SH3RF3: variants seen among roughly 807,000 people sequenced by gnomAD.
The protein encoded by SH3RF3 is E3 ubiquitin-protein ligase SH3RF3.
A neutral mutation model predicts 66.3 loss-of-function variants in SH3RF3; 29 were observed. The observed-to-expected ratio is 0.44, with a 90% confidence interval of 0.33 to 0.60. The LOEUF is 0.60. Among genes scored for constraint, SH3RF3 ranks in the 20% least tolerant of loss-of-function variants. The pLI is 0.04. For synonymous variants in SH3RF3, 583 were observed against 532.0 expected, an observed-to-expected ratio of 1.10 and a Z score of -1.32; for missense variants, 1,194 against 1,190.9, an observed-to-expected ratio of 1.00 and a Z score of -0.04.
chr2:109,449,787 A>G (rs1293731968), intron 8 of SH3RF3, among the ~76,000 whole-genome samples: 4 of 152,242 alleles, frequency 2.6e-5, no homozygotes, highest in African/African-American at 9.6e-5. Flanking sequence ...CTGTTGTAAA[A>G]TCATTGTAAT....
intron 1 of SH3RF3, among the ~76,000 whole-genome samples, chr2:109,249,665 C>A (rs1289290072): frequency 2.8e-5 from 4 of 141,498 alleles, no homozygotes; most frequent in Non-Finnish European, 6.2e-5. Flanking sequence ...TTCTTTCTTT[C>A]TTGACAGAGT....
At chr2:109,139,002 C>T (rs548598123) in intron 1 of SH3RF3, among the ~76,000 whole-genome samples, 7 of 152,210 alleles carry the variant, frequency 4.6e-5, no homozygotes, top group Non-Finnish European at 1.0e-4. Flanking sequence ...CAAGGGGCCA[C>T]AGCCTGATGA....
chr2:109,477,257 A>G (rs1678706367), intron 8 of SH3RF3, among the ~76,000 whole-genome samples: 1 of 152,190 alleles, frequency 6.6e-6, no homozygotes, highest in Non-Finnish European at 1.5e-5. Context: ...GAACTGGCCC[A>G]GAGTGGGGGA....
At chr2:109,320,332 T>C (rs888930019) in intron 1 of SH3RF3, among the ~76,000 whole-genome samples, 47 of 151,980 alleles carry the variant, frequency 3.1e-4, no homozygotes, top group Non-Finnish European at 5.7e-4. Context: ...GAGAGGGAGG[T>C]ACAGGCCCTC....
At chr2:109,238,748 A>C (rs929606792) in intron 1 of SH3RF3, among the ~76,000 whole-genome samples, 3 of 152,142 alleles carry the variant, frequency 2.0e-5, no homozygotes, top group African/African-American at 7.2e-5. Flanking sequence ...GGCAGCTGCT[A>C]CATGCTTGCA....
At chr2:109,312,653 T>C (rs1681758138) in intron 1 of SH3RF3, among the ~76,000 whole-genome samples, 1 of 152,232 alleles carries the variant, frequency 6.6e-6, no homozygotes, top group Non-Finnish European at 1.5e-5. Context: ...CTAGCTTCTT[T>C]TACTTCGTAT....
intron 1 of SH3RF3, among the ~76,000 whole-genome samples, chr2:109,248,882 G>C (rs957345385): frequency 3.5e-5 from 2 of 57,452 alleles, no homozygotes; most frequent in Non-Finnish European, 7.0e-5. Context: ...TTCCTTTCCT[G>C]TCCTTTCCTG....
chr2:109,467,416 T>C (rs906184222), intron 8 of SH3RF3, among the ~76,000 whole-genome samples: 2 of 152,110 alleles, frequency 1.3e-5, no homozygotes, highest in African/African-American at 4.8e-5. Context: ...CTATAAAACT[T>C]TGGAAAATGC....
intron 1 of SH3RF3, among the ~76,000 whole-genome samples, chr2:109,154,779 T>A (rs912669154): frequency 6.6e-5 from 10 of 152,098 alleles, no homozygotes; most frequent in Admixed American, 5.2e-4. Flanking sequence ...GTGTATGTGT[T>A]TTTGGAGACC....
intron 1 of SH3RF3, among the ~76,000 whole-genome samples, chr2:109,263,801 C>T (rs567159417): frequency 6.6e-6 from 1 of 152,176 alleles, no homozygotes; most frequent in East Asian, 1.9e-4. Context: ...GCCGTCTCTA[C>T]TAAAAAAATA....
chr2:109,341,037 C>CACCCTGTGTT (rs1208223160), intron 1 of SH3RF3, among the ~76,000 whole-genome samples: 1 of 152,248 alleles, frequency 6.6e-6, no homozygotes, highest in Non-Finnish European at 1.5e-5. Context: ...GTGGCCTCGT[C>CACCCTGTGTT]ACCCTGTGTT....
intron 1 of SH3RF3, among the ~76,000 whole-genome samples, chr2:109,218,952 G>T (rs1679164137): frequency 6.6e-6 from 1 of 152,206 alleles, no homozygotes; most frequent in African/African-American, 2.4e-5. Flanking sequence ...TTGTAGAGGG[G>T]TGTGTCTCTC....
intron 4 of SH3RF3, among the ~76,000 whole-genome samples, chr2:109,401,248 C>T (rs932248973): frequency 4.6e-5 from 7 of 152,264 alleles, no homozygotes; most frequent in South Asian, 4.1e-4. Context: ...CAACTGTTGG[C>T]GATGTGAACA....
At chr2:109,486,404 G>A (rs1340873470) in intron 8 of SH3RF3, among the ~76,000 whole-genome samples, 2 of 152,152 alleles carry the variant, frequency 1.3e-5, no homozygotes, top group African/African-American at 4.8e-5. Context: ...GGCAGGTGGA[G>A]GTCTTGGATA....
At chr2:109,268,743 A>T (rs963605651) in intron 1 of SH3RF3, among the ~76,000 whole-genome samples, 355 of 15,136 alleles carry the variant, frequency 0.023, 1 homozygote, top group African/African-American at 0.083. Context: ...ACTTTATTAT[A>T]AAAAAAAAAA....
chr2:109,288,362 A>G (rs553943027), intron 1 of SH3RF3, among the ~76,000 whole-genome samples: 1 of 152,348 alleles, frequency 6.6e-6, no homozygotes, highest in East Asian at 1.9e-4. Context: ...GGGAACAGGA[A>G]CACTCAGAGG....
chr2:109,340,580 C>T (rs4619637), intron 1 of SH3RF3, among the ~76,000 whole-genome samples: 67,278 of 152,092 alleles, frequency 0.44, 15,507 homozygotes, highest in East Asian at 0.61. Flanking sequence ...CTGACCACTT[C>T]CTACACTTAG....
intron 1 of SH3RF3, among the ~76,000 whole-genome samples, chr2:109,248,754 TTCTCTC>T (rs545409191): frequency 6.6e-6 from 1 of 151,408 alleles, no homozygotes; most frequent in Non-Finnish European, 1.5e-5. Context: ...CTTTCCTTCC[TTCTCTC>T]TCTCTCTCTT....
intron 8 of SH3RF3, among the ~76,000 whole-genome samples, chr2:109,471,057 T>C (rs979883042): frequency 6.6e-6 from 1 of 151,870 alleles, no homozygotes; most frequent in Non-Finnish European, 1.5e-5. Flanking sequence ...CCATCTCCAC[T>C]AAAAACACAA....
Sources: allele counts gnomAD v4.1 joint callset (sites outside exome capture counted in the v4.1 genomes callset), GRCh38; gene constraint gnomAD v4.1.1; transcripts MANE v1.5; gene names NCBI Gene and HGNC (gene_info 2026-07-23, HGNC 2026-07-21).